Variants in SPMIP3 observed in about 807,000 individuals in gnomAD.
The protein encoded by SPMIP3 is protein SPMIP3.
chr1:244,376,880 G>A, the SPMIP3 span, among the ~76,000 whole-genome samples: 2 of 151,334 alleles, frequency 1.3e-5, no homozygotes, highest in South Asian at 2.1e-4. Context: ...GCGTGATCTC[G>A]GCTCGCTGCA....
chr1:244,366,014 G>A, the SPMIP3 span, among the ~76,000 whole-genome samples: 20 of 152,132 alleles, frequency 1.3e-4, no homozygotes, highest in East Asian at 2.3e-3. Context: ...ATGACAGTCC[G>A]TAAATCCTAA....
chr1:244,384,348 C>G, the SPMIP3 span, among the ~76,000 whole-genome samples: 2 of 152,140 alleles, frequency 1.3e-5, no homozygotes, highest in East Asian at 3.9e-4. Context: ...GGACTACAGG[C>G]ATGAGCCACC....
the SPMIP3 span, among the ~76,000 whole-genome samples, chr1:244,373,709 T>C: frequency 1.3e-5 from 2 of 151,862 alleles, no homozygotes; most frequent in Non-Finnish European, 2.9e-5. Context: ...ATTGCAGTTT[T>C]TGCCATTGAA....
chr1:244,360,970 C>T, the SPMIP3 span, among the ~76,000 whole-genome samples: 6,093 of 150,906 alleles, frequency 0.04, 186 homozygotes, highest in Non-Finnish European at 0.066. Context: ...AAGCCAGGCA[C>T]AGAAAGACAA....
chr1:244,376,835 A>G, the SPMIP3 span, among the ~76,000 whole-genome samples: 3 of 151,360 alleles, frequency 2.0e-5, no homozygotes, highest in Middle Eastern at 3.4e-3. Context: ...TTTTAGATGG[A>G]GTCTCGCTCT....
the SPMIP3 span, among the ~76,000 whole-genome samples, chr1:244,354,654 G>A: frequency 6.6e-6 from 1 of 152,118 alleles, no homozygotes; most frequent in African/African-American, 2.4e-5. Context: ...AGCCACCATG[G>A]CTGGCCTGAT....
the SPMIP3 span, among the ~76,000 whole-genome samples, chr1:244,366,155 C>T: frequency 6.6e-6 from 1 of 152,072 alleles, no homozygotes; most frequent in African/African-American, 2.4e-5. Flanking sequence ...TTTGAGCAAG[C>T]CTCGTGTTTA....
At chr1:244,388,075 C>G in the SPMIP3 span, among the ~76,000 whole-genome samples, 1 of 151,764 alleles carries the variant, frequency 6.6e-6, no homozygotes, top group African/African-American at 2.4e-5. Flanking sequence ...TTACAGGCAC[C>G]TGCCACCACG....
the SPMIP3 span, among the ~76,000 whole-genome samples, chr1:244,363,160 C>A: frequency 6.6e-6 from 1 of 152,140 alleles, no homozygotes; most frequent in African/African-American, 2.4e-5. Context: ...AATCCCAGCA[C>A]TTTGAGAGGC....
chr1:244,357,624 G>A, the SPMIP3 span, among the ~76,000 whole-genome samples: 19 of 147,276 alleles, frequency 1.3e-4, no homozygotes, highest in South Asian at 2.2e-4. Context: ...CAGAAAAATC[G>A]CTTGAACCCA....
chr1:244,359,140 CAAAAAAA>C, the SPMIP3 span, among the ~76,000 whole-genome samples: 6 of 133,208 alleles, frequency 4.5e-5, no homozygotes, highest in East Asian at 2.2e-4. Context: ...TGATTAATGG[CAAAAAAA>C]AAAAAAAAAA....
the SPMIP3 span, among the ~76,000 whole-genome samples, chr1:244,361,519 G>A: frequency 2.0e-5 from 3 of 152,084 alleles, no homozygotes; most frequent in Admixed American, 6.6e-5. Flanking sequence ...GTGAGCCACC[G>A]CGCCCGGCCT....
the SPMIP3 span, chr1:244,364,634 T>C: frequency 3.5e-6 from 5 of 1,443,806 alleles, no homozygotes; most frequent in Admixed American, 1.7e-5. Flanking sequence ...ATCTCACCCA[T>C]GGAATTATGT....
the SPMIP3 span, among the ~76,000 whole-genome samples, chr1:244,355,958 TTTTA>T: frequency 2.0e-4 from 30 of 152,358 alleles, 1 homozygote; most frequent in South Asian, 1.2e-3. Context: ...TTGTTCTTTT[TTTTA>T]TTTATCTAGA....
chr1:244,373,938 A>AC, the SPMIP3 span, among the ~76,000 whole-genome samples: 23 of 151,994 alleles, frequency 1.5e-4, no homozygotes, highest in Admixed American at 4.6e-4. Context: ...CCATGGTGAA[A>AC]CCCATCTCTT....
chr1:244,387,165 G>A, the SPMIP3 span, among the ~76,000 whole-genome samples: 1 of 152,142 alleles, frequency 6.6e-6, no homozygotes, highest in Non-Finnish European at 1.5e-5. Flanking sequence ...AGCCAGGGGT[G>A]GTGGCGGGCA....
chr1:244,375,598 G>T, the SPMIP3 span: 2 of 552,222 alleles, frequency 3.6e-6, no homozygotes, highest in Non-Finnish European at 6.2e-6. Flanking sequence ...GGATAGAAGA[G>T]GTTTGCAAGA....
At chr1:244,373,512 A>G in the SPMIP3 span, among the ~76,000 whole-genome samples, 1 of 150,552 alleles carries the variant, frequency 6.6e-6, no homozygotes, top group African/African-American at 2.4e-5. Context: ...AGCAAACAAA[A>G]CAAACAACAG....
chr1:244,379,791 C>T, the SPMIP3 span, among the ~76,000 whole-genome samples: 2 of 151,942 alleles, frequency 1.3e-5, no homozygotes, highest in African/African-American at 4.8e-5. Context: ...ACCAGCCTGC[C>T]CAACATGGAG....
Sources: gnomAD v4.1 joint callset for allele counts (sites outside exome capture counted in the v4.1 genomes callset) on GRCh38, gnomAD v4.1.1 for gene constraint, MANE v1.5 for transcripts, NCBI Gene and HGNC (gene_info 2026-07-23, HGNC 2026-07-21) for gene names.